MYL10: variants seen among roughly 807,000 people sequenced by gnomAD.
MYL10 encodes the protein myosin regulatory light chain 10.
MYL10 carries 18 observed loss-of-function variants against 21.9 expected under a neutral mutation model. That is an observed-to-expected ratio of 0.82 (90% CI 0.57 to 1.22). The LOEUF (loss-of-function observed/expected upper bound fraction) is 1.22, where lower values mean the gene tolerates loss of function less well. MYL10 is among the 50% of genes most tolerant of loss of function. The pLI, the probability that MYL10 is intolerant of heterozygous loss-of-function variation, is 0.00. For synonymous variants in MYL10, 88 were observed against 82.8 expected (o/e 1.06, Z -0.34); for missense variants, 225 against 230.4 (o/e 0.98, Z 0.15).
Position 101,624,019 on chromosome 7 carries a change from ACT to A in MYL10, c.172_173del (p.Leu59GlyfsTer42), listed in dbSNP as rs1315661992. 1.3e-5 allele frequency: 8 copies of A among 632,236 alleles called. No homozygotes were observed. Among genetic ancestry groups the A allele is most frequent in the Admixed American group, 2.6e-5 (1 of 38,896 alleles). The allele number at this position is 632,236 out of a possible 1,614,324, so 39.2% of individuals were successfully genotyped here. On this transcript the variant is annotated frameshift_variant and splice_region_variant, in exon 3 of 8. Coordinates refer to ENST00000223167, the MANE Select transcript of MYL10 (RefSeq NM_138403.5). LOFTEE classifies it high-confidence loss of function. Reference sequence around the variant, plus strand: ...GCTCCAGCCTGGGCGACAGAGCCAGACTCTGTCAAACAAACAAATAATAATAA... The same window carrying A: ...GCTCCAGCCTGGGCGACAGAGCCAGACTGTCAAACAAACAAATAATAATAA... ...DQSQIQEFKESLALSPRLERN... is the reference protein window; with the variant it reads ...DQSQIQEFKEXLALSPRLERN...
chr7:101,629,082 C>T lies in MYL10; in HGVS notation c.37G>A (p.Val13Met), dbSNP rs1318472803. The T allele has an allele frequency of 2.4e-6, 1 of 416,516 alleles. No individual in the cohort carries two copies. The highest frequency in any genetic ancestry group is 2.1e-5 in the African/African-American group (1 of 47,584). 25.8% of individuals were successfully genotyped at this position (416,516 alleles called of 1,614,324 possible). The change falls in exon 1 of 8, where the codon GTG becomes ATG. Residue 13 changes from valine (V) to methionine (M), a missense_variant. Coordinates refer to ENST00000223167, the MANE Select transcript of MYL10 (RefSeq NM_138403.5). ...TTGGGAGGCCGAGGAGGGAGGATCACTTGAGGCCAGGAGTTTGAGACCAGC... is the reference window on the plus strand; with the variant it reads ...TTGGGAGGCCGAGGAGGGAGGATCATTTGAGGCCAGGAGTTTGAGACCAGC... ...LRLVSNSWPQ[V>M]ILPPRPPKVL... is the part of the protein sequence containing the mutation.
chr7:101,615,601 C>CA (rs928271952), intron 6 of MYL10, among the ~76,000 whole-genome samples: 10 of 143,456 alleles, frequency 7.0e-5, no homozygotes, highest in South Asian at 2.4e-4. Context: ...CTGTTCCCCC[C>CA]CTAGCCTGGG....
chr7:101,620,602 G>A (rs909729372), intron 5 of MYL10, among the ~76,000 whole-genome samples: 8 of 152,078 alleles, frequency 5.3e-5, no homozygotes, highest in African/African-American at 1.7e-4. Context: ...AAAAACTGAG[G>A]CCAGAAAGCA....
At chr7:101,624,893 C>T (rs1378908102) in intron 1 of MYL10, among the ~76,000 whole-genome samples, 1 of 152,090 alleles carries the variant, frequency 6.6e-6, no homozygotes, top group Non-Finnish European at 1.5e-5. Flanking sequence ...CTCCCTGTCA[C>T]CTCCTCCGAG....
intron 1 of MYL10, among the ~76,000 whole-genome samples, chr7:101,626,471 T>C (rs1306108091): frequency 6.6e-6 from 1 of 151,940 alleles, no homozygotes; most frequent in Non-Finnish European, 1.5e-5. Context: ...GACAGCCAAG[T>C]CAGAGCTCTG....
At chr7:101,625,984 A>G (rs1023467361) in intron 1 of MYL10, among the ~76,000 whole-genome samples, 2 of 145,570 alleles carry the variant, frequency 1.4e-5, no homozygotes, top group Middle Eastern at 3.6e-3. Context: ...AGGGAGGGAG[A>G]GATCATTTTC....
intron 1 of MYL10, among the ~76,000 whole-genome samples, chr7:101,626,549 C>T (rs891895850): frequency 2.0e-5 from 3 of 152,190 alleles, no homozygotes; most frequent in Non-Finnish European, 1.5e-5. Context: ...ATTGATACCC[C>T]GCAGGGAGTC....
At chr7:101,627,247 C>T (rs531482126) in intron 1 of MYL10, among the ~76,000 whole-genome samples, 5 of 151,404 alleles carry the variant, frequency 3.3e-5, no homozygotes, top group South Asian at 2.1e-4. Context: ...TGCAGTGAGC[C>T]GAGATCGAGC....
intron 4 of MYL10, among the ~76,000 whole-genome samples, chr7:101,622,427 C>T (rs780990077): frequency 3.3e-5 from 5 of 152,256 alleles, no homozygotes; most frequent in South Asian, 2.1e-4. Flanking sequence ...CCCCATTTTA[C>T]GGTGAAGAAA....
chr7:101,620,802 T>G (rs1467643725), intron 5 of MYL10, among the ~76,000 whole-genome samples: 2 of 149,746 alleles, frequency 1.3e-5, no homozygotes, highest in African/African-American at 4.9e-5. Context: ...TTTCTTTTTT[T>G]TTTTGTAGTG....
intron 4 of MYL10, 97 bp downstream of exon 4, chr7:101,622,900 C>T (rs1796697116): frequency 2.7e-6 from 3 of 1,108,762 alleles, no homozygotes; most frequent in East Asian, 5.0e-5. Flanking sequence ...GCACAGGAGC[C>T]TCTCACGCTC....
At chr7:101,617,800 G>A (rs908315886) in intron 5 of MYL10, among the ~76,000 whole-genome samples, 2 of 151,304 alleles carry the variant, frequency 1.3e-5, no homozygotes, top group Non-Finnish European at 2.9e-5. Flanking sequence ...GGCCATCTGT[G>A]TCTCCCCGAT....
chr7:101,620,012 G>A (rs1584538983), intron 5 of MYL10, among the ~76,000 whole-genome samples: 1 of 152,076 alleles, frequency 6.6e-6, no homozygotes, highest in South Asian at 2.1e-4. Context: ...GATTATCCCA[G>A]TAGGACCTGA....
intron 5 of MYL10, 136 bp downstream of exon 5, chr7:101,621,960 T>A (rs1274204072): frequency 1.1e-5 from 7 of 638,452 alleles, no homozygotes; most frequent in African/African-American, 7.5e-5. Flanking sequence ...TGAAGGTGCG[T>A]GCACCTGGGG....
Position 101,622,135 on chromosome 7 carries a change from A to G in MYL10, c.415T>C (p.Phe139Leu), listed in dbSNP as rs762356187. 6.2e-7 allele frequency: 1 copy of G among 1,613,852 alleles called. No homozygotes were observed. Among genetic ancestry groups the G allele is most frequent in the Admixed American group, 1.7e-5 (1 of 60,004 alleles). The change falls in exon 5 of 8, where the codon TTC becomes CTC. Residue 139 changes from phenylalanine to leucine, a missense_variant. Phe to Leu is a conservative substitution (Grantham distance 22). Transcript: ENST00000223167. ...MVKEAPGPIN[F>L]TVFLTMFGEK... ...CCAAACATGGTCAGGAACACCGTGA[A>G]GTTGATGGGTCCGGGGGCCTCCTTC...
At chr7:101,622,282 C>T in intron 4 of MYL10, 82 bp from the exon 5 acceptor site, 1 of 1,066,998 alleles carries the variant, frequency 9.4e-7, no homozygotes, top group Non-Finnish European at 1.4e-6. Flanking sequence ...AGCCTCCCCA[C>T]TCAGCTGCTC....
chr7:101,617,150 T>C (rs1319375464), intron 5 of MYL10, among the ~76,000 whole-genome samples: 1 of 152,228 alleles, frequency 6.6e-6, no homozygotes, highest in Non-Finnish European at 1.5e-5. Context: ...CCTTGTTCAC[T>C]GTGGATGCGG....
intron 3 of MYL10, 59 bp from the exon 4 acceptor site, chr7:101,623,131 C>G: frequency 6.6e-7 from 1 of 1,521,598 alleles, no homozygotes; most frequent in Non-Finnish European, 9.0e-7. Context: ...CCACCTCCCC[C>G]AGGGACCGTC....
At chr7:101,613,772 T>C in intron 6 of MYL10, 62 bp from the exon 7 acceptor site, 1 of 1,535,272 alleles carries the variant, frequency 6.5e-7, no homozygotes, top group Non-Finnish European at 9.0e-7. Flanking sequence ...AACATGCAGA[T>C]CCCAGGGGTG....
Sources: allele counts gnomAD v4.1 joint callset (sites outside exome capture counted in the v4.1 genomes callset), GRCh38; gene constraint gnomAD v4.1.1; transcripts MANE v1.5; gene names NCBI Gene and HGNC (gene_info 2026-07-23, HGNC 2026-07-21).